The following ZNF728 variants were observed in gnomAD, a reference collection of about 807,000 sequenced individuals.
The protein encoded by ZNF728 is zinc finger protein 728.
In ZNF728, 12 loss-of-function variants were observed where a neutral mutation model predicts 12.5. The ratio of observed to expected loss-of-function variants is 0.96; its 90% CI spans 0.61 to 1.55. The LOEUF is 1.55. Ranked by LOEUF, ZNF728 falls within the 40% of genes most tolerant of loss-of-function variation. ZNF728 has a pLI of 0.00. For synonymous variants in ZNF728, 205 were observed against 240.7 expected (o/e 0.85, Z 1.37); for missense variants, 692 against 719.2 (o/e 0.96, Z 0.43).
chr19:22,978,933 A>C (rs1169846388), intron 3 of ZNF728, among the ~76,000 whole-genome samples: 1 of 152,230 alleles, frequency 6.6e-6, no homozygotes, highest in Non-Finnish European at 1.5e-5. Context: ...AAAATTCCAA[A>C]AACCAGAATG....
intron 1 of ZNF728, 101 bp downstream of exon 1, chr19:23,002,926 TG>T: frequency 1.4e-6 from 2 of 1,466,818 alleles, no homozygotes; most frequent in Non-Finnish European, 9.4e-7. Context: ...GCACAGATTG[TG>T]GAGCTGACTG....
chr19:23,002,076 G>A (rs1254345271), intron 1 of ZNF728, among the ~76,000 whole-genome samples: 2 of 152,342 alleles, frequency 1.3e-5, no homozygotes, highest in African/African-American at 4.8e-5. Context: ...AGCACTTTGG[G>A]AGGCCGAGGC....
At chr19:23,002,971 C>G in intron 1 of ZNF728, 57 bp downstream of exon 1, 2 of 1,587,064 alleles carry the variant, frequency 1.3e-6, no homozygotes, top group Non-Finnish European at 1.7e-6. Flanking sequence ...AGCCACTTCC[C>G]ACCGGTTCCA....
intron 1 of ZNF728, 55 bp from the exon 2 acceptor site, chr19:22,988,506 T>A: frequency 1.9e-6 from 3 of 1,598,614 alleles, no homozygotes; most frequent in Non-Finnish European, 2.6e-6. Flanking sequence ...GCAGAATTTT[T>A]AATTTGACTC....
intron 1 of ZNF728, among the ~76,000 whole-genome samples, chr19:22,997,097 TGAA>T (rs1568278479): frequency 6.6e-6 from 1 of 152,148 alleles, no homozygotes; most frequent in African/African-American, 2.4e-5. Context: ...GACAGATCAT[TGAA>T]GAAGAAAATT....
intron 1 of ZNF728, among the ~76,000 whole-genome samples, chr19:22,999,680 T>C (rs1969086178): frequency 6.6e-6 from 1 of 152,246 alleles, no homozygotes; most frequent in African/African-American, 2.4e-5. Flanking sequence ...TGCTTACATT[T>C]TGTACCTCAG....
At chr19:22,996,592 T>C (rs985373922) in intron 1 of ZNF728, among the ~76,000 whole-genome samples, 6 of 150,348 alleles carry the variant, frequency 4.0e-5, no homozygotes, top group African/African-American at 1.5e-4. Context: ...AATCTGTGTC[T>C]AGTTTAAAGA....
intron 1 of ZNF728, among the ~76,000 whole-genome samples, chr19:22,993,353 C>G (rs1969011224): frequency 6.6e-6 from 1 of 152,200 alleles, no homozygotes; most frequent in Non-Finnish European, 1.5e-5. Context: ...TTTGCAGATT[C>G]TAGGTGAAAT....
chr19:22,977,089 T>C lies in ZNF728; in HGVS notation c.248A>G (p.Gln83Arg). The change falls in exon 4 of 4, where the codon CAA (glutamine) becomes CGA (arginine). Residue 83 changes from glutamine to arginine, a missense_variant. Physicochemically the swap from Gln to Arg is conservative, Grantham distance 43 (BLOSUM62 1). Coordinates refer to ENST00000594710, the MANE Select transcript of ZNF728 (RefSeq NM_001267716.2). ...TCTGCCCTGCTCTGGCCAAAGGTCT[T>C]GAGCAAAATGAGAACATATAACTGA... ...EPPVICSHFA[Q>R]DLWPEQGRED... The C allele has an allele frequency of 6.3e-7, 1 of 1,580,306 alleles. No individual in the cohort carries two copies. Among genetic ancestry groups the C allele is most frequent in the Non-Finnish European group, 8.6e-7 (1 of 1,167,410 alleles).
chr19:22,988,387 G>A lies in ZNF728; in HGVS notation c.68C>T (p.Thr23Ile). 6.2e-7 allele frequency: 1 copy of A among 1,614,146 alleles called. No individual in the cohort carries two copies. Among genetic ancestry groups the A allele is most frequent in the Non-Finnish European group, 8.5e-7 (1 of 1,180,010 alleles). ...FSLEEWQCLD[T>I]AQQNLYRNVM... ...ATTCCTATATAAATTCTGCTGTGCA[G>A]TGTCCAGGCATTGCCACTCCTCCAG... is the stretch of plus-strand genomic sequence containing the variant. Residue 23 changes from threonine (T) to isoleucine (I), a missense_variant, in exon 2 of 4, where the codon ACT (threonine) becomes ATT (isoleucine). Coordinates refer to ENST00000594710, the MANE Select transcript of ZNF728 (RefSeq NM_001267716.2).
intron 3 of ZNF728, among the ~76,000 whole-genome samples, chr19:22,983,960 A>C (rs1323814431): frequency 7.3e-5 from 11 of 151,156 alleles, no homozygotes; most frequent in African/African-American, 2.7e-4. Context: ...CCTACGTAAC[A>C]AACCTGCACG....
intron 1 of ZNF728, among the ~76,000 whole-genome samples, chr19:23,000,099 T>A (rs1173912887): frequency 6.6e-6 from 1 of 152,292 alleles, no homozygotes; most frequent in Non-Finnish European, 1.5e-5. Flanking sequence ...CCAGGCATGG[T>A]GGCTTACGCC....
chr19:22,989,051 C>CAAAA (rs68080575), intron 1 of ZNF728, among the ~76,000 whole-genome samples: 29 of 50,170 alleles, frequency 5.8e-4, no homozygotes, highest in South Asian at 1.0e-3. Context: ...AACTCCATCT[C>CAAAA]AAAAAAAAAA....
At chr19:22,996,554 G>A (rs1316025038) in intron 1 of ZNF728, among the ~76,000 whole-genome samples, 2 of 152,066 alleles carry the variant, frequency 1.3e-5, no homozygotes, top group Non-Finnish European at 2.9e-5. Context: ...ACTTTTTTAT[G>A]CTCTTGAAAT....
chr19:23,001,275 T>G (rs2548897), intron 1 of ZNF728, among the ~76,000 whole-genome samples: 46,575 of 152,148 alleles, frequency 0.31, 9,253 homozygotes, highest in African/African-American at 0.57. Flanking sequence ...CAGCAATGTG[T>G]CTCCAAGAAA....
In ZNF728 at chr19:22,975,771, G is replaced by C; in HGVS notation, c.1566C>G (p.Asn522Lys). 1.2e-6 allele frequency: 2 copies of C among 1,611,686 alleles called. No homozygotes were observed. Among genetic ancestry groups the C allele is most frequent in the Middle Eastern group, 1.7e-4 (1 of 6,054 alleles). Residue 522 changes from asparagine to lysine, a missense_variant, in exon 4 of 4, where the codon AAC (asparagine) becomes AAG (lysine). Around this residue, in one of 3 missense-constraint regions of ZNF728, gnomAD observed 244 missense variants for 235.2 expected, o/e 1.04. Coordinates refer to ENST00000594710, the MANE Select transcript of ZNF728 (RefSeq NM_001267716.2). ...TATGAATTACCTTATGTTTAGTAAGGTTTGCAACCTTACTGAAGGCTTTGC... is the reference window on the plus strand; with the variant it reads ...TATGAATTACCTTATGTTTAGTAAGCTTTGCAACCTTACTGAAGGCTTTGC... The part of the protein sequence containing the change: ...ECGKAFSKVA[N>K]LTKHKVIHTG...
At chr19:23,002,898 A>G in intron 1 of ZNF728, 130 bp downstream of exon 1, 1 of 1,242,972 alleles carries the variant, frequency 8.0e-7, no homozygotes, top group Non-Finnish European at 1.1e-6. Context: ...AGGTCGAGCT[A>G]GGCAAGGAGA....
intron 3 of ZNF728, among the ~76,000 whole-genome samples, chr19:22,977,939 T>C (rs561037228): frequency 3.3e-5 from 5 of 152,104 alleles, no homozygotes; most frequent in African/African-American, 4.8e-5. Context: ...ATTTTAAAGA[T>C]TGAATAATAC....
chr19:22,988,474 CAT>C (rs780937389), intron 1 of ZNF728, 23 bp from the exon 2 acceptor site: 2 of 1,611,626 alleles, frequency 1.2e-6, no homozygotes, highest in Admixed American at 3.4e-5. Context: ...CACAAACACA[CAT>C]ATTTACCAAG....
Sources: gnomAD v4.1 joint callset for allele counts (sites outside exome capture counted in the v4.1 genomes callset) on GRCh38, gnomAD v4.1.1 for gene constraint, gnomAD v4.1.1 regional missense constraint, MANE v1.5 for transcripts, NCBI Gene and HGNC (gene_info 2026-07-23, HGNC 2026-07-21) for gene names.